PTCHD4: variants seen among roughly 807,000 people sequenced by gnomAD.
The protein encoded by PTCHD4 is patched domain containing 4.
A neutral mutation model predicts 58.1 loss-of-function variants in PTCHD4; 33 were observed. That is an observed-to-expected ratio of 0.57 (90% CI 0.43 to 0.76). The LOEUF (loss-of-function observed/expected upper bound fraction) is 0.76. Among genes scored for constraint, PTCHD4 ranks in the 30% least tolerant of loss-of-function variants. PTCHD4 has a pLI of 0.00. For missense variants in PTCHD4, 1,058 were observed against 1,027.1 expected (o/e 1.03, Z -0.41); for synonymous variants, 478 against 409.6 (o/e 1.17, Z -2.02).
chr6:48,075,961 T>G (rs1765058104), intron 1 of PTCHD4, among the ~76,000 whole-genome samples: 1 of 152,188 alleles, frequency 6.6e-6, no homozygotes, highest in African/African-American at 2.4e-5. Flanking sequence ...TCATGAAAGA[T>G]TTCTCTGTAG....
chr6:48,067,359 C>A (rs1023449807), intron 3 of PTCHD4, among the ~76,000 whole-genome samples: 1 of 151,354 alleles, frequency 6.6e-6, no homozygotes, highest in African/African-American at 2.4e-5. Flanking sequence ...ATTTTTTTTT[C>A]TTTCCTTTTG....
At chr6:48,030,581 C>A (rs1047037619) in intron 3 of PTCHD4, among the ~76,000 whole-genome samples, 3 of 152,100 alleles carry the variant, frequency 2.0e-5, no homozygotes, top group Non-Finnish European at 2.9e-5. Flanking sequence ...GTGTAGGCAA[C>A]TTTCATGTCT....
chr6:47,917,521 C>T (rs531275013), intron 4 of PTCHD4, among the ~76,000 whole-genome samples: 9 of 152,300 alleles, frequency 5.9e-5, no homozygotes, highest in South Asian at 2.1e-4. Flanking sequence ...GTTTTCTTTA[C>T]TATTCCTTCT....
chr6:48,003,098 T>G (rs944063463), intron 4 of PTCHD4, among the ~76,000 whole-genome samples: 2 of 152,198 alleles, frequency 1.3e-5, no homozygotes, highest in African/African-American at 2.4e-5. Context: ...CTTCCCAATT[T>G]CTAACCATTG....
Position 47,875,889 on chromosome 6 carries a change from C to G in PTCHD4, c.*2414G>C, listed in dbSNP as rs1199471221. ...GAAAAAACCAACCCCAATAGCCAAT[C>G]TTTTAAAAAATAGGTGAATGAGTGG... is the stretch of plus-strand genomic sequence containing the variant. On this transcript the variant is annotated 3_prime_UTR_variant, in exon 5 of 5. Coordinates refer to ENST00000339488, the MANE Select transcript of PTCHD4 (RefSeq NM_001384253.1). Among the ~76,000 whole-genome samples, 4 of 151,682 alleles carry G rather than the reference C, an allele frequency of 2.6e-5. No individual in the cohort carries two copies. The highest frequency in any genetic ancestry group is 2.0e-4 in the Admixed American group (3 of 15,178).
Position 47,875,192 on chromosome 6 carries a change from G to A in PTCHD4, c.*3111C>T, listed in dbSNP as rs1763815781. Among the ~76,000 whole-genome samples the A allele has an allele frequency of 6.6e-6, 1 of 151,856 alleles. No individual in the cohort carries two copies. Among genetic ancestry groups the A allele is most frequent in the African/African-American group, 2.4e-5 (1 of 41,386 alleles). ...ACAAATTTCTTCTCTTCTAGGAGTT[G>A]ATTGGTCATCTGCTGACAACAGATA... On this transcript the variant is annotated 3_prime_UTR_variant, in exon 5 of 5. Coordinates refer to ENST00000339488, the MANE Select transcript of PTCHD4 (RefSeq NM_001384253.1).
chr6:47,858,289 A>G lies in PTCHD4; in HGVS notation c.*20014T>C, dbSNP rs144229289. Reference sequence around the variant, plus strand: ...AGAAAATCTGATTTGAGTTTATCATATTCACCTTACTCCATTAATAAATTT... The same window carrying G: ...AGAAAATCTGATTTGAGTTTATCATGTTCACCTTACTCCATTAATAAATTT... On this transcript the variant is annotated 3_prime_UTR_variant, in exon 5 of 5. Transcript: ENST00000339488. Among the ~76,000 whole-genome samples the G allele has an allele frequency of 0.036, 5,547 of 152,128 alleles. 158 individuals are homozygous for G. The highest frequency in any genetic ancestry group is 0.048 in the Non-Finnish European group (3,242 of 67,944).
intron 3 of PTCHD4, among the ~76,000 whole-genome samples, chr6:48,049,148 A>G (rs141140420): frequency 2.0e-5 from 3 of 152,002 alleles, no homozygotes; most frequent in Non-Finnish European, 2.9e-5. Flanking sequence ...ACACTTGGCA[A>G]TGTTTGGAGA....
chr6:47,889,488 C>G (rs1243859162), intron 4 of PTCHD4, among the ~76,000 whole-genome samples: 1 of 151,932 alleles, frequency 6.6e-6, no homozygotes, highest in Non-Finnish European at 1.5e-5. Context: ...GTCCTTCACC[C>G]ACTTTTTGAT....
chr6:47,896,139 GC>G (rs1561944236), intron 4 of PTCHD4, among the ~76,000 whole-genome samples: 1 of 152,136 alleles, frequency 6.6e-6, no homozygotes, highest in Non-Finnish European at 1.5e-5. Flanking sequence ...AAGGAAGATG[GC>G]AGAGAGATGA....
At chr6:48,056,657 C>A (rs529474473) in intron 3 of PTCHD4, among the ~76,000 whole-genome samples, 1 of 152,318 alleles carries the variant, frequency 6.6e-6, no homozygotes, top group South Asian at 2.1e-4. Context: ...CACTTGCTGG[C>A]ATTCCCACTT....
At chr6:47,924,966 A>C (rs1006731364) in intron 4 of PTCHD4, among the ~76,000 whole-genome samples, 11 of 149,878 alleles carry the variant, frequency 7.3e-5, no homozygotes, top group African/African-American at 2.4e-4. Flanking sequence ...AAGCATATAC[A>C]TATATATACA....
intron 4 of PTCHD4, among the ~76,000 whole-genome samples, chr6:47,908,251 C>T (rs569605824): frequency 2.0e-5 from 3 of 152,234 alleles, no homozygotes; most frequent in African/African-American, 4.8e-5. Flanking sequence ...GGTCTTATAA[C>T]GTGGTGCTCC....
At chr6:48,071,492 G>A (rs1427126383) in intron 1 of PTCHD4, among the ~76,000 whole-genome samples, 1 of 152,136 alleles carries the variant, frequency 6.6e-6, no homozygotes, top group African/African-American at 2.4e-5. Flanking sequence ...GCTAGATGAT[G>A]GGATTGTGGG....
intron 3 of PTCHD4, among the ~76,000 whole-genome samples, chr6:48,061,739 G>T (rs1013044942): frequency 6.6e-6 from 1 of 152,188 alleles, no homozygotes; most frequent in African/African-American, 2.4e-5. Flanking sequence ...AATGCAATTT[G>T]GCATGCTTTT....
chr6:47,984,186 T>G (rs1054281620), intron 4 of PTCHD4, among the ~76,000 whole-genome samples: 1 of 152,182 alleles, frequency 6.6e-6, no homozygotes, highest in African/African-American at 2.4e-5. Context: ...AAACCAAATC[T>G]AATGTATTAG....
At chr6:48,095,613 C>T (rs935771041) in intron 1 of PTCHD4, among the ~76,000 whole-genome samples, 3 of 151,792 alleles carry the variant, frequency 2.0e-5, no homozygotes, top group South Asian at 2.1e-4. Flanking sequence ...TGGCTGAACC[C>T]GGGAGGCAGA....
intron 4 of PTCHD4, among the ~76,000 whole-genome samples, chr6:47,953,858 C>T (rs1766745934): frequency 1.3e-5 from 2 of 152,262 alleles, no homozygotes; most frequent in Admixed American, 6.5e-5. Context: ...GGAACAAATG[C>T]TACATCTCAT....
chr6:47,950,762 T>C (rs2113945892), intron 4 of PTCHD4, among the ~76,000 whole-genome samples: 1 of 152,264 alleles, frequency 6.6e-6, no homozygotes, highest in South Asian at 2.1e-4. Flanking sequence ...TATGGGACTC[T>C]ATGAGGTCAC....
Sources: allele counts gnomAD v4.1 joint callset (sites outside exome capture counted in the v4.1 genomes callset), GRCh38; gene constraint gnomAD v4.1.1; transcripts MANE v1.5; gene names NCBI Gene and HGNC (gene_info 2026-07-23, HGNC 2026-07-21).